POU5F1B: variants seen among roughly 807,000 people sequenced by gnomAD.
POU5F1B encodes POU domain, class 5, transcription factor 1B.
In POU5F1B, 24 loss-of-function variants were observed where a neutral mutation model predicts 28.1. The observed-to-expected ratio is 0.85, with a 90% confidence interval of 0.62 to 1.20. POU5F1B has a LOEUF of 1.20. Among genes scored for constraint, POU5F1B ranks in the 50% most tolerant of loss-of-function variants. The pLI, the probability that POU5F1B is intolerant of heterozygous loss-of-function variation, is 0.00. For missense variants in POU5F1B, 451 were observed against 451.5 expected (o/e 1.00, Z 0.01); for synonymous variants, 220 against 193.2 (o/e 1.14, Z -1.15).
At chr8:127,416,790 A>C (rs1376493673) in exon 3 of POU5F1B, 3 of 1,606,454 alleles carry the variant, frequency 1.9e-6, no homozygotes, top group Non-Finnish European at 2.6e-6. Flanking sequence ...CAGGGGGACC[A>C]GTGTCCTTTC....
intron 2 of POU5F1B, chr8:127,415,082 C>T (rs1815109872): frequency 6.6e-6 from 1 of 152,266 alleles, no homozygotes; most frequent in Non-Finnish European, 1.5e-5. Context: ...CAGATGACAA[C>T]ATCCCCTGCT....
In POU5F1B at chr8:127,415,871, C is replaced by T. The variant is rs542388560; in HGVS notation, c.5C>T (p.Ala2Val). The T allele has an allele frequency of 1.4e-5, 21 of 1,524,434 alleles. 1 individual carries two copies. The highest frequency in any genetic ancestry group is 3.8e-4 in the Middle Eastern group (2 of 5,210). The allele number at this position is 1,524,434 out of a possible 1,614,324, so 94.4% of individuals were successfully genotyped here. A position where few individuals can be genotyped will look rare whatever the true frequency, so the allele number is the denominator to read the frequency against. Residue 2 changes from alanine to valine, a missense_variant, in exon 3 of 3, where the codon GCG becomes GTG. Transcript: ENST00000465342. ...CTTGGGGCGCCTTCCTTCCCCATGG[C>T]GGGACACCTGGCTTCGGATTTCGCC...
exon 3 of POU5F1B, chr8:127,416,395 A>G: frequency 6.2e-7 from 1 of 1,608,314 alleles, no homozygotes; most frequent in Admixed American, 1.7e-5. Context: ...TCTATTTGGG[A>G]AGGTGTTCAG....
chr8:127,415,747 A>G (rs1815120784), exon 3 of POU5F1B: 1 of 1,411,482 alleles, frequency 7.1e-7, no homozygotes. Context: ...TGCTTCAGGC[A>G]CTGTGTTCAT....
At chr8:127,415,786 A>T in exon 3 of POU5F1B, 1 of 1,455,204 alleles carries the variant, frequency 6.9e-7, no homozygotes, top group South Asian at 1.5e-5. Flanking sequence ...ACACACAGCC[A>T]TACGGTCACA....
exon 3 of POU5F1B, chr8:127,416,589 G>A (rs1490701091): frequency 6.2e-7 from 1 of 1,602,896 alleles, no homozygotes; most frequent in Admixed American, 1.7e-5. Context: ...AGAACCGAGT[G>A]AGAGGCAACC....
chr8:127,416,865 C>A lies in POU5F1B; in HGVS notation c.999C>A (p.Tyr333Ter), dbSNP rs746575607. The stretch of plus-strand genomic sequence containing the variant: ...GGAGCCCTCACTTCACTGCACTGTA[C>A]TCCTCAGTCCCTTTCCCTGAGGGGG... The change falls in exon 3 of 3, where the codon TAC becomes TAA. Residue 333 changes from tyrosine (Y) to a stop codon, truncating the protein, a stop_gained. Transcript: ENST00000465342. LOFTEE classifies it high-confidence loss of function. 1 of 1,601,744 alleles carries A rather than the reference C, an allele frequency of 6.2e-7. No individual in the cohort carries two copies. Among genetic ancestry groups the A allele is most frequent in the Non-Finnish European group, 8.5e-7 (1 of 1,173,822 alleles).
intron 1 of POU5F1B, among the ~76,000 whole-genome samples, chr8:127,413,821 G>T (rs1380926994): frequency 6.6e-6 from 1 of 150,730 alleles, no homozygotes; most frequent in South Asian, 2.1e-4. Context: ...CTAAGTAACT[G>T]GTCAAACACA....
At chr8:127,413,560 G>A (rs756242689) in intron 1 of POU5F1B, among the ~76,000 whole-genome samples, 1 of 152,248 alleles carries the variant, frequency 6.6e-6, no homozygotes. Flanking sequence ...ACAATTTTTA[G>A]TTGTACTACA....
At chr8:127,414,813 C>G (rs185564862) in intron 1 of POU5F1B, 1 of 152,342 alleles carries the variant, frequency 6.6e-6, no homozygotes, top group Admixed American at 6.5e-5. Context: ...AAATATGGCA[C>G]AAGTAAAAGT....
In POU5F1B at chr8:127,416,190, T is replaced by TG; in HGVS notation, c.328dup (p.Ala110GlyfsTer79). On this transcript the variant is annotated frameshift_variant, in exon 3 of 3. Transcript: ENST00000465342. LOFTEE classifies it high-confidence loss of function. ...GAGTCGGGGTGGAGAGCAACTCCAA[T>TG]GGGGCCTCCCCGGAACCCTGCACCG... 6.2e-7 allele frequency: 1 copy of TG among 1,613,818 alleles called. No individual in the cohort carries two copies. Among genetic ancestry groups the TG allele is most frequent in the East Asian group, 2.2e-5 (1 of 44,874 alleles).
intron 1 of POU5F1B, among the ~76,000 whole-genome samples, chr8:127,414,242 C>A (rs1396319275): frequency 6.6e-6 from 1 of 152,172 alleles, no homozygotes; most frequent in African/African-American, 2.4e-5. Flanking sequence ...ATTTCTGTAA[C>A]AAGTAACTAT....
Position 127,416,293 on chromosome 8 carries a change from C to T in POU5F1B, c.427C>T (p.Gln143Ter). 1 of 1,613,776 alleles carries T rather than the reference C, an allele frequency of 6.2e-7. No individual in the cohort carries two copies. Among genetic ancestry groups the T allele is most frequent in the African/African-American group, 1.3e-5 (1 of 75,044 alleles). The change falls in exon 3 of 3, where the codon CAG becomes TAG. Residue 143 changes from glutamine (Q) to a stop codon, truncating the protein, a stop_gained. Coordinates refer to ENST00000465342, the Ensembl canonical transcript of POU5F1B. LOFTEE classifies it high-confidence loss of function. ...GAAGTCCCAGGACATCAAAGCTCTG[C>T]AGAAAGAACTCGAGCAATTTGCCAA...
rs184200293 is a variant in POU5F1B at position 127,414,188 on chromosome 8, C to T, written c.-559-700C>T. Among the ~76,000 whole-genome samples, 26 of 152,292 alleles carry T rather than the reference C, an allele frequency of 1.7e-4. No individual in the cohort carries two copies. In the East Asian group the frequency reaches 3.5e-3, roughly 20 times the overall value. On this transcript the variant is annotated intron_variant, in intron 1 of 2. Transcript: ENST00000465342. ...GAATTTGAGCAAGACTGAAGGAGAA[C>T]GTTTAAGTTCCCTTTCCAACTCATA... is the stretch of plus-strand genomic sequence containing the variant.
At chr8:127,414,381 T>C (rs139938284) in intron 1 of POU5F1B, among the ~76,000 whole-genome samples, 17 of 152,198 alleles carry the variant, frequency 1.1e-4, no homozygotes, top group Non-Finnish European at 1.9e-4. Flanking sequence ...CTCAGACACA[T>C]ATTTGAGAGG....
chr8:127,415,944 G>A, exon 3 of POU5F1B: 1 of 1,564,364 alleles, frequency 6.4e-7, no homozygotes, highest in Non-Finnish European at 8.7e-7. Context: ...GGGGGGCGGA[G>A]CCGGGCTGGG....
In POU5F1B at chr8:127,415,989, TC is replaced by T. The variant is rs778622812; in HGVS notation, c.125del (p.Pro42LeufsTer43). On this transcript the variant is annotated frameshift_variant, in exon 3 of 3. Coordinates refer to ENST00000465342, the Ensembl canonical transcript of POU5F1B. LOFTEE classifies it high-confidence loss of function. ...TGACCTGGCTAAGCTTCCAAGGCCCTCCTGGAGGGCCAGGAATCGGGCCGGG... is the reference window on the plus strand; with the variant it reads ...TGACCTGGCTAAGCTTCCAAGGCCCTCTGGAGGGCCAGGAATCGGGCCGGG... 83 of 1,588,736 alleles carry T rather than the reference TC, an allele frequency of 5.2e-5. No individual in the cohort carries two copies. Among genetic ancestry groups the T allele is most frequent in the Middle Eastern group, 1.9e-4 (1 of 5,254 alleles).
At chr8:127,413,698 G>T (rs1311643508) in intron 1 of POU5F1B, among the ~76,000 whole-genome samples, 1 of 152,130 alleles carries the variant, frequency 6.6e-6, no homozygotes, top group African/African-American at 2.4e-5. Context: ...TTCAAATCTA[G>T]GTAGCTATAC....
Position 127,414,502 on chromosome 8 carries a change from C to T in POU5F1B, c.-559-386C>T, listed in dbSNP as rs143008966. ...AGGACTTTATTACCTGCAACCCATCCTGCAAAACTGTGAAGATTTGATATG... is the reference window on the plus strand; with the variant it reads ...AGGACTTTATTACCTGCAACCCATCTTGCAAAACTGTGAAGATTTGATATG... On this transcript the variant is annotated intron_variant, in intron 1 of 2. Coordinates refer to ENST00000465342, the Ensembl canonical transcript of POU5F1B. Among the ~76,000 whole-genome samples, 818 of 152,314 alleles carry T rather than the reference C, an allele frequency of 5.4e-3. 8 individuals are homozygous for T. The highest frequency in any genetic ancestry group is 0.019 in the African/African-American group (780 of 41,578).
Sources: allele counts gnomAD v4.1 joint callset (sites outside exome capture counted in the v4.1 genomes callset), GRCh38; gene constraint gnomAD v4.1.1; transcripts MANE v1.5; gene names NCBI Gene and HGNC (gene_info 2026-07-23, HGNC 2026-07-21).